The following CCDC192 variants were observed in gnomAD, a reference collection of about 807,000 sequenced individuals.
The protein encoded by CCDC192 is coiled-coil domain-containing protein 192.
At chr5:127,922,436 C>T (rs1281570687) in intron 6 of CCDC192, among the ~76,000 whole-genome samples, 6 of 152,154 alleles carry the variant, frequency 3.9e-5, no homozygotes, top group African/African-American at 1.2e-4. Context: ...AAGTACATTG[C>T]AATGTTGAAA....
At position 127,741,000 on chromosome 5, in the gene CCDC192, A is replaced by G. The variant is rs76384458; in HGVS notation, c.115-13268A>G. On this transcript the variant is annotated intron_variant, in intron 2 of 6. Transcript: ENST00000514853. ...ATGGCAAACGTATTTGCAGTATTTT[A>G]TATCCCACTTAACTGAAAATGTTAT... 4.4e-3 allele frequency among the ~76,000 whole-genome samples: 674 copies of G among 152,322 alleles called. 11 individuals carry two copies. Among genetic ancestry groups the G allele is most frequent in the African/African-American group, 0.015 (622 of 41,578 alleles).
At chr5:127,880,453 G>A (rs1415025556) in intron 6 of CCDC192, among the ~76,000 whole-genome samples, 2 of 118,962 alleles carry the variant, frequency 1.7e-5, no homozygotes, top group African/African-American at 6.3e-5. Context: ...GGACTGTGGT[G>A]GGGTGGGGGG....
At chr5:127,742,369 G>C (rs529531898) in intron 2 of CCDC192, among the ~76,000 whole-genome samples, 99 of 152,078 alleles carry the variant, frequency 6.5e-4, no homozygotes, top group African/African-American at 2.3e-3. Context: ...TATAGAAATG[G>C]ACAAGTAGTT....
rs377142913 is a variant in CCDC192, at chr5:127,747,933, T to C, written c.115-6335T>C. Among the ~76,000 whole-genome samples, 57 of 151,344 alleles carry C rather than the reference T, an allele frequency of 3.8e-4. No homozygotes were observed. In the East Asian group the frequency reaches 9.2e-3, roughly 24 times the overall value. On this transcript the variant is annotated intron_variant, in intron 2 of 6. Coordinates refer to ENST00000514853, the MANE Select transcript of CCDC192 (RefSeq NM_001317938.2). ...TTGAGAAGTGTCTGTTCATGTCCTT[T>C]GCCCACTTTTTGATGGAGTTGTTTG...
In CCDC192 at chr5:127,941,438, C is replaced by G. The variant is rs1754403112; in HGVS notation, c.792C>G (p.Ile264Met). Residue 264 changes from isoleucine (I) to methionine (M), a missense_variant, in exon 7 of 7, where the codon ATC becomes ATG. Coordinates refer to ENST00000514853, the MANE Select transcript of CCDC192 (RefSeq NM_001317938.2). ...CCCCAGTTTTCTCTACTCATGACAT[C>G]CCACCTGTGGTCTCTGATGAGAATT... ...PEAPVFSTHDIPPVVSDENL is the reference protein window; with the variant it reads ...PEAPVFSTHDMPPVVSDENL The G allele has an allele frequency of 5.0e-6, 2 of 398,968 alleles. No individual in the cohort carries two copies. The highest frequency in any genetic ancestry group is 4.1e-5 in the African/African-American group (2 of 48,648). The allele number at this position is 398,968 out of a possible 1,614,324, so 24.7% of individuals were successfully genotyped here.
chr5:127,841,564 T>G (rs1049483256), intron 5 of CCDC192, among the ~76,000 whole-genome samples: 1 of 152,222 alleles, frequency 6.6e-6, no homozygotes, highest in Non-Finnish European at 1.5e-5. Flanking sequence ...GAAAGAGGCT[T>G]CATCTGTCTC....
chr5:127,941,118 T>C (rs916555734), intron 6 of CCDC192, 64 bp from the exon 7 acceptor site: 9 of 398,726 alleles, frequency 2.3e-5, no homozygotes, highest in Non-Finnish European at 3.5e-5. Flanking sequence ...TCATTTTTCC[T>C]TGCTTTGACT....
chr5:127,791,967 T>C (rs1756888420), intron 3 of CCDC192, among the ~76,000 whole-genome samples: 1 of 152,116 alleles, frequency 6.6e-6, no homozygotes, highest in Non-Finnish European at 1.5e-5. Flanking sequence ...ATCAGGAGAA[T>C]GATGTATGAG....
chr5:127,849,136 G>A (rs1450018180), intron 5 of CCDC192, among the ~76,000 whole-genome samples: 1 of 152,144 alleles, frequency 6.6e-6, no homozygotes, highest in Non-Finnish European at 1.5e-5. Context: ...AGGCTGAGGT[G>A]GGAGAATCAA....
intron 5 of CCDC192, among the ~76,000 whole-genome samples, chr5:127,861,006 A>G (rs1165818308): frequency 6.6e-6 from 1 of 152,046 alleles, no homozygotes; most frequent in African/African-American, 2.4e-5. Context: ...AGCATGGGTT[A>G]CTTTTTTTTT....
chr5:127,896,024 A>T (rs1238813979), intron 6 of CCDC192, among the ~76,000 whole-genome samples: 1 of 152,172 alleles, frequency 6.6e-6, no homozygotes, highest in African/African-American at 2.4e-5. Flanking sequence ...ACTTGGTGGA[A>T]TTTAAGTCCC....
chr5:127,814,472 T>C (rs984570734), intron 5 of CCDC192, among the ~76,000 whole-genome samples: 3 of 152,088 alleles, frequency 2.0e-5, no homozygotes, highest in African/African-American at 4.8e-5. Flanking sequence ...GGCTGCCATG[T>C]TGAGTTAAAG....
At chr5:127,857,754 GT>G (rs768439866) in intron 5 of CCDC192, 40 of 152,148 alleles carry the variant, frequency 2.6e-4, no homozygotes, top group Non-Finnish European at 4.9e-4. Flanking sequence ...GGTTTCTTAG[GT>G]TGCTTTATTG....
intron 5 of CCDC192, among the ~76,000 whole-genome samples, chr5:127,800,906 C>T (rs6893913): frequency 0.053 from 8,113 of 152,074 alleles, 731 homozygotes; most frequent in African/African-American, 0.19. Context: ...TCTTTTTAAT[C>T]GTCTTATATT....
intron 2 of CCDC192, among the ~76,000 whole-genome samples, chr5:127,715,609 T>A (rs957610916): frequency 3.3e-5 from 5 of 152,224 alleles, no homozygotes; most frequent in Admixed American, 6.5e-5. Context: ...TTTTTTCTAT[T>A]TCTGTGAAGG....
At chr5:127,779,720 C>CT (rs1186257207) in intron 3 of CCDC192, among the ~76,000 whole-genome samples, 2 of 151,988 alleles carry the variant, frequency 1.3e-5, no homozygotes, top group African/African-American at 2.4e-5. Flanking sequence ...CTCCTTTGTT[C>CT]TTTTTTTAAA....
chr5:127,902,092 GA>G (rs1466865127), intron 6 of CCDC192, among the ~76,000 whole-genome samples: 1 of 152,102 alleles, frequency 6.6e-6, no homozygotes, highest in Non-Finnish European at 1.5e-5. Flanking sequence ...CCAACATGGT[GA>G]AACCCTGTCT....
At chr5:127,828,406 A>G (rs970729673) in intron 5 of CCDC192, among the ~76,000 whole-genome samples, 2 of 152,256 alleles carry the variant, frequency 1.3e-5, no homozygotes, top group Non-Finnish European at 2.9e-5. Context: ...ACAAAAAGAC[A>G]AAAGAGGTTC....
intron 5 of CCDC192, among the ~76,000 whole-genome samples, chr5:127,808,212 T>C (rs901275542): frequency 1.3e-5 from 2 of 152,190 alleles, no homozygotes; most frequent in African/African-American, 4.8e-5. Context: ...TATTTTATGT[T>C]AGGGCATGAA....
Sources: allele counts gnomAD v4.1 joint callset (sites outside exome capture counted in the v4.1 genomes callset), GRCh38; gene constraint gnomAD v4.1.1; transcripts MANE v1.5; gene names NCBI Gene and HGNC (gene_info 2026-07-23, HGNC 2026-07-21).